Variants in BTBD7 observed in about 807,000 individuals in gnomAD.
BTBD7 encodes BTB/POZ domain-containing protein 7.
A neutral mutation model predicts 99.9 loss-of-function variants in BTBD7; 38 were observed. That is an observed-to-expected ratio of 0.38 (90% CI 0.29 to 0.50). BTBD7 has a LOEUF of 0.50. BTBD7 is among the 20% of genes least tolerant of loss of function. BTBD7 has a pLI of 0.93. For missense variants in BTBD7, 1,170 were observed against 1,394.6 expected, an observed-to-expected ratio of 0.84 and a Z score of 2.57; for synonymous variants, 520 against 511.4, an observed-to-expected ratio of 1.02 and a Z score of -0.23.
intron 9 of BTBD7, among the ~76,000 whole-genome samples, chr14:93,247,844 T>C (rs2052329962): frequency 6.6e-6 from 1 of 152,260 alleles, no homozygotes; most frequent in South Asian, 2.1e-4. Context: ...AAATGAGTTT[T>C]TTCTTTTTTC....
chr14:93,276,677 T>C (rs1217385649), intron 3 of BTBD7, among the ~76,000 whole-genome samples: 1 of 152,034 alleles, frequency 6.6e-6, no homozygotes, highest in African/African-American at 2.4e-5. Flanking sequence ...ATCACTGAGA[T>C]TGATGCTGCA....
At chr14:93,268,841 C>T (rs1211416327) in intron 3 of BTBD7, among the ~76,000 whole-genome samples, 1 of 151,082 alleles carries the variant, frequency 6.6e-6, no homozygotes, top group Non-Finnish European at 1.5e-5. Flanking sequence ...TCACTACAAC[C>T]ACCACCTCCT....
chr14:93,284,360 C>T (rs1412515010), intron 3 of BTBD7, among the ~76,000 whole-genome samples: 1 of 151,938 alleles, frequency 6.6e-6, no homozygotes, highest in Non-Finnish European at 1.5e-5. Context: ...ATAAATAATA[C>T]TTCATATTTT....
chr14:93,259,476 C>T (rs953390154), intron 5 of BTBD7, among the ~76,000 whole-genome samples: 4 of 152,204 alleles, frequency 2.6e-5, no homozygotes, highest in Non-Finnish European at 4.4e-5. Context: ...CTTGTTAGAA[C>T]TCAGCTGGGA....
chr14:93,261,006 TCA>T (rs2052483235), intron 5 of BTBD7, among the ~76,000 whole-genome samples: 1 of 152,162 alleles, frequency 6.6e-6, no homozygotes, highest in African/African-American at 2.4e-5. Flanking sequence ...TTCTCATGCC[TCA>T]GTCTCCCGAG....
intron 7 of BTBD7, among the ~76,000 whole-genome samples, chr14:93,252,860 C>T (rs963616215): frequency 4.6e-5 from 7 of 151,026 alleles, no homozygotes; most frequent in African/African-American, 9.7e-5. Flanking sequence ...CTTACTCTGT[C>T]GCCCAGGTTG....
At chr14:93,330,201 AT>A (rs2053386113) in intron 1 of BTBD7, among the ~76,000 whole-genome samples, 1 of 152,186 alleles carries the variant, frequency 6.6e-6, no homozygotes, top group Admixed American at 6.5e-5. Flanking sequence ...GCACAACAGG[AT>A]AAAAGTAGAA....
chr14:93,323,500 A>G (rs1321106143), intron 1 of BTBD7, among the ~76,000 whole-genome samples: 2 of 152,226 alleles, frequency 1.3e-5, no homozygotes, highest in Non-Finnish European at 2.9e-5. Flanking sequence ...TCTGCTTACA[A>G]GAAAATTCTC....
At chr14:93,322,600 A>G (rs2053282222) in intron 1 of BTBD7, among the ~76,000 whole-genome samples, 1 of 152,214 alleles carries the variant, frequency 6.6e-6, no homozygotes, top group Non-Finnish European at 1.5e-5. Context: ...CATTTACTTA[A>G]TTTTCAAAGT....
chr14:93,308,653 A>G (rs2053100176), intron 1 of BTBD7, among the ~76,000 whole-genome samples: 1 of 152,222 alleles, frequency 6.6e-6, no homozygotes, highest in African/African-American at 2.4e-5. Context: ...GTATACATAG[A>G]GTAGATTATT....
At chr14:93,244,218 C>T (rs933156244) in intron 10 of BTBD7, 7 of 354,062 alleles carry the variant, frequency 2.0e-5, no homozygotes, top group Admixed American at 9.3e-5. Context: ...AGGTTGAGTG[C>T]GCTGAGCTCA....
rs752935914 is a variant in BTBD7 at position 93,257,239 on chromosome 14, T to C, written c.1564A>G (p.Ile522Val). The change falls in exon 6 of 11, where the codon ATT (isoleucine) becomes GTT (valine). Residue 522 changes from isoleucine to valine, a missense_variant. Ile to Val is a conservative substitution (Grantham distance 29). This residue lies in a region of BTBD7 where 309 missense variants were observed against 342.0 expected (regional missense o/e 0.90). Coordinates refer to ENST00000334746, the MANE Select transcript of BTBD7 (RefSeq NM_001002860.4). ...ILSSLLPFVR[I>V]EHILPINSEV... ...CTGTTTATAGGTAAGATGTGTTCAATTCGCACAAAAGGTAAGAGAGAAGAA... is the reference window on the plus strand; with the variant it reads ...CTGTTTATAGGTAAGATGTGTTCAACTCGCACAAAAGGTAAGAGAGAAGAA... 6.2e-7 allele frequency: 1 copy of C among 1,614,178 alleles called. No individual in the cohort carries two copies. Among genetic ancestry groups the C allele is most frequent in the Non-Finnish European group, 8.5e-7 (1 of 1,179,994 alleles).
chr14:93,257,074 G>T, intron 6 of BTBD7, 121 bp downstream of exon 6: 1 of 964,430 alleles, frequency 1.0e-6, no homozygotes, highest in Middle Eastern at 3.3e-4. Context: ...ATCTGTCTCT[G>T]TCCTCACAGA....
In BTBD7 at chr14:93,237,797, A is replaced by G. The variant is rs1036821660; in HGVS notation, c.*4476T>C. The G allele has an allele frequency of 6.5e-6, 1 of 152,702 alleles. No homozygotes were observed. Among genetic ancestry groups the G allele is most frequent in the Non-Finnish European group, 1.5e-5 (1 of 68,050 alleles). 9.5% of individuals were successfully genotyped at this position (152,702 alleles called of 1,614,324 possible). ...TACAATTGAAGCGTAAACAAGTTTT[A>G]CAAAGTACTGGTTATGCAGGTTGTA... On this transcript the variant is annotated 3_prime_UTR_variant, in exon 11 of 11. Transcript: ENST00000334746.
intron 1 of BTBD7, among the ~76,000 whole-genome samples, chr14:93,309,947 A>G (rs1413926869): frequency 6.7e-6 from 1 of 148,414 alleles, no homozygotes; most frequent in African/African-American, 2.6e-5. Flanking sequence ...TTCAACCAAC[A>G]TTTACCAATT....
chr14:93,290,784 G>A (rs1049507100), intron 3 of BTBD7, among the ~76,000 whole-genome samples: 23 of 151,836 alleles, frequency 1.5e-4, no homozygotes, highest in Non-Finnish European at 1.0e-4. Flanking sequence ...TCCATCTCCC[G>A]GGTTCAAACG....
chr14:93,278,880 G>T (rs1020226715), intron 3 of BTBD7, among the ~76,000 whole-genome samples: 3 of 152,268 alleles, frequency 2.0e-5, no homozygotes, highest in Middle Eastern at 3.4e-3. Flanking sequence ...CCATTTGGCT[G>T]TAAATGGAGG....
rs1000358398 is a variant in BTBD7, at chr14:93,238,330, CAT to C, written c.*3941_*3942del. On this transcript the variant is annotated 3_prime_UTR_variant, in exon 11 of 11. Coordinates refer to ENST00000334746, the MANE Select transcript of BTBD7 (RefSeq NM_001002860.4). ...GACAATCTACAGGACAAAAAGACAACATGTCACCAAATATTGTTCATACAACA... is the reference window on the plus strand; with the variant it reads ...GACAATCTACAGGACAAAAAGACAACGTCACCAAATATTGTTCATACAACA... 1 of 152,448 alleles carries C rather than the reference CAT, an allele frequency of 6.6e-6. No homozygotes were observed. The highest frequency in any genetic ancestry group is 1.5e-5 in the Non-Finnish European group (1 of 68,030). The allele number at this position is 152,448 out of a possible 1,614,324, so 9.4% of individuals were successfully genotyped here. A position where few individuals can be genotyped will look rare whatever the true frequency, so the allele number is the denominator to read the frequency against.
At chr14:93,315,475 A>G (rs2053189703) in intron 1 of BTBD7, among the ~76,000 whole-genome samples, 1 of 152,210 alleles carries the variant, frequency 6.6e-6, no homozygotes, top group African/African-American at 2.4e-5. Context: ...AACTGACACT[A>G]TATTACTTGT....
Sources: gnomAD v4.1 joint callset for allele counts (sites outside exome capture counted in the v4.1 genomes callset) on GRCh38, gnomAD v4.1.1 for gene constraint, gnomAD v4.1.1 regional missense constraint, MANE v1.5 for transcripts, NCBI Gene and HGNC (gene_info 2026-07-23, HGNC 2026-07-21) for gene names.